Variants in ZNF865 observed in about 807,000 individuals in gnomAD.
ZNF865 encodes zinc finger protein 865.
For synonymous variants in ZNF865, 763 were observed against 750.8 expected (o/e 1.02, Z -0.27); for missense variants, 1,311 against 1,593.4 (o/e 0.82, Z 3.02).
At chr19:55,605,850 G>A in intron 1 of ZNF865, 118 bp downstream of exon 1, 1 of 152,202 alleles carries the variant, frequency 6.6e-6, no homozygotes, top group Non-Finnish European at 1.5e-5. Flanking sequence ...TGCAGCTCCC[G>A]CCGGGCCCTT....
chr19:55,615,970 T>C lies in ZNF865; in HGVS notation c.2352T>C (p.Gly784=). ...CGGCGGTGGCAGGTGCTGGCGGGGG[T>C]GCCAGTTCCGGCCCCGAGCGCTTCA... The part of the protein sequence containing the change: ...GGAAVAGAGG[G]ASSGPERFSC... The change falls in exon 2 of 2, where the codon GGT becomes GGC. Residue 784 remains glycine (G), a synonymous_variant. Transcript: ENST00000568956. 2 of 1,493,816 alleles carry C rather than the reference T, an allele frequency of 1.3e-6. No individual in the cohort carries two copies. The highest frequency in any genetic ancestry group is 2.5e-5 in the East Asian group (1 of 39,410). The allele number at this position is 1,493,816 out of a possible 1,614,324, so 92.5% of individuals were successfully genotyped here.
chr19:55,614,487 A>ACCTCCCGCCGCTGGG lies in ZNF865; in HGVS notation c.876_890dup (p.Pro293_Pro297dup), dbSNP rs1439582268. On this transcript the variant is annotated inframe_insertion, in exon 2 of 2. Coordinates refer to ENST00000568956, the MANE Select transcript of ZNF865 (RefSeq NM_001195605.2). This position sits in a 1 kb window ranked among gnomAD's most constrained non-coding sequence, Gnocchi z 8.0. ...GGGGGCCCGCCCCAGCCCGGCCCCC[A>ACCTCCCGCCGCTGGG]CCTCCCGCCGCTGGGCCTCCCAGCA... is the stretch of plus-strand genomic sequence containing the variant. 1 of 925,822 alleles carries ACCTCCCGCCGCTGGG rather than the reference A, an allele frequency of 1.1e-6. No homozygotes were observed. The highest frequency in any genetic ancestry group is 1.4e-6 in the Non-Finnish European group (1 of 729,116). 57.4% of individuals were successfully genotyped at this position (925,822 alleles called of 1,614,324 possible).
In ZNF865 at chr19:55,616,804, G is replaced by T; in HGVS notation, c.*6G>T. The T allele has an allele frequency of 1.4e-6, 2 of 1,440,370 alleles. No homozygotes were observed. The highest frequency in any genetic ancestry group is 1.5e-5 in the South Asian group (1 of 68,526). 89.2% of individuals were successfully genotyped at this position (1,440,370 alleles called of 1,614,324 possible). On this transcript the variant is annotated 3_prime_UTR_variant, in exon 2 of 2. Transcript: ENST00000568956. ...TGGCCGGGAAGGATGCCTGACCGAG[G>T]GGTTCCCATCCCACTCCCATCAAAA...
chr19:55,616,878 C>G lies in ZNF865; in HGVS notation c.*80C>G. 1 of 1,355,806 alleles carries G rather than the reference C, an allele frequency of 7.4e-7. No individual in the cohort carries two copies. The highest frequency in any genetic ancestry group is 2.8e-5 in the East Asian group (1 of 36,000). The allele number at this position is 1,355,806 out of a possible 1,614,324, so 84.0% of individuals were successfully genotyped here. A position where few individuals can be genotyped will look rare whatever the true frequency, so the allele number is the denominator to read the frequency against. On this transcript the variant is annotated 3_prime_UTR_variant, in exon 2 of 2. Coordinates refer to ENST00000568956, the MANE Select transcript of ZNF865 (RefSeq NM_001195605.2). ...CCAGGACTGATCAGACTCTTCCCCC[C>G]TCCTCGCTGTTGCCCCATCCTTCAG...
Position 55,615,602 on chromosome 19 carries a change from GGGCCCA to G in ZNF865, c.1985_1990del (p.Gly662_Thr664delinsAla). On this transcript the variant is annotated inframe_deletion, in exon 2 of 2. Coordinates refer to ENST00000568956, the MANE Select transcript of ZNF865 (RefSeq NM_001195605.2). ...GCCCGGGGCCTCGGGCACGTCTGCA[GGGCCCA>G]CCGATGGGCTGAGCTACGCCTGCTC... is the stretch of plus-strand genomic sequence containing the variant. 1 of 1,533,312 alleles carries G rather than the reference GGGCCCA, an allele frequency of 6.5e-7. No homozygotes were observed. The highest frequency in any genetic ancestry group is 8.7e-7 in the Non-Finnish European group (1 of 1,145,814). 95.0% of individuals were successfully genotyped at this position (1,533,312 alleles called of 1,614,324 possible).
rs760100963 is a variant in ZNF865 at position 55,614,119 on chromosome 19, C to T, written c.501C>T (p.Pro167=). 61 of 1,426,620 alleles carry T rather than the reference C, an allele frequency of 4.3e-5. 1 individual carries two copies. In the Middle Eastern group the frequency reaches 1.1e-3, roughly 26 times the overall value. 88.4% of individuals were successfully genotyped at this position (1,426,620 alleles called of 1,614,324 possible). ...HLFGNLKRGG[P]ASGPGVTPGL... ...TTGGGAACCTGAAGCGAGGAGGGCC[C>T]GCGTCCGGGCCGGGGGTGACGCCTG... Residue 167 remains proline, a synonymous_variant, in exon 2 of 2, where the codon CCC becomes CCT. Coordinates refer to ENST00000568956, the MANE Select transcript of ZNF865 (RefSeq NM_001195605.2). This position sits in a 1 kb window ranked among gnomAD's most constrained non-coding sequence, Gnocchi z 8.0.
chr19:55,614,887 C>T lies in ZNF865; in HGVS notation c.1269C>T (p.Leu423=). The change falls in exon 2 of 2, where the codon CTC becomes CTT. Residue 423 remains leucine (L), a synonymous_variant. Coordinates refer to ENST00000568956, the MANE Select transcript of ZNF865 (RefSeq NM_001195605.2). This position sits in a 1 kb window ranked among gnomAD's most constrained non-coding sequence, Gnocchi z 8.0. ...GKAFRDASYL[L]KHQAAHAGAG... Reference sequence around the variant, plus strand: ...CCTTCCGCGACGCCTCCTACCTCCTCAAGCACCAGGCGGCCCACGCGGGGG... The same window carrying T: ...CCTTCCGCGACGCCTCCTACCTCCTTAAGCACCAGGCGGCCCACGCGGGGG... 1 of 1,506,974 alleles carries T rather than the reference C, an allele frequency of 6.6e-7. No homozygotes were observed. Among genetic ancestry groups the T allele is most frequent in the Non-Finnish European group, 8.8e-7 (1 of 1,131,956 alleles). The allele number at this position is 1,506,974 out of a possible 1,614,324, so 93.4% of individuals were successfully genotyped here.
intron 1 of ZNF865, 81 bp from the exon 2 acceptor site, chr19:55,613,512 T>C: frequency 7.9e-7 from 1 of 1,265,982 alleles, no homozygotes; most frequent in Non-Finnish European, 1.1e-6. Context: ...CAAGGATGGA[T>C]GAGTGGGCGC....
intron 1 of ZNF865, among the ~76,000 whole-genome samples, chr19:55,608,312 CTTTTTTTT>C (rs758447041): frequency 1.6e-5 from 2 of 125,292 alleles, no homozygotes; most frequent in African/African-American, 6.2e-5. Context: ...AGGACTGTGG[CTTTTTTTT>C]TTTTTTTTTT....
chr19:55,613,483 G>A, intron 1 of ZNF865, 110 bp from the exon 2 acceptor site: 2 of 1,046,528 alleles, frequency 1.9e-6, no homozygotes, highest in Non-Finnish European at 2.6e-6. Flanking sequence ...AAATCTGGAA[G>A]GCTAGGGGGT....
In ZNF865 at chr19:55,613,930, TTCGTCCTCCTCG is replaced by T. The variant is rs1475228871; in HGVS notation, c.318_329del (p.Ser114_Ser117del). On this transcript the variant is annotated inframe_deletion, in exon 2 of 2. Coordinates refer to ENST00000568956, the MANE Select transcript of ZNF865 (RefSeq NM_001195605.2). Reference sequence around the variant, plus strand: ...CGTCCTCGTCCTCCTCCTCCTCCTCTTCGTCCTCCTCGTCGTCATCTTCGTCCTCTTCCTCTT... The same window carrying T: ...CGTCCTCGTCCTCCTCCTCCTCCTCTTCGTCATCTTCGTCCTCTTCCTCTT... 5 of 1,528,376 alleles carry T rather than the reference TTCGTCCTCCTCG, an allele frequency of 3.3e-6. No individual in the cohort carries two copies. Among genetic ancestry groups the T allele is most frequent in the Non-Finnish European group, 4.4e-6 (5 of 1,141,400 alleles). 94.7% of individuals were successfully genotyped at this position (1,528,376 alleles called of 1,614,324 possible).
In ZNF865 at chr19:55,616,926, T is replaced by C. The variant is rs1981383065; in HGVS notation, c.*128T>C. On this transcript the variant is annotated 3_prime_UTR_variant, in exon 2 of 2. Transcript: ENST00000568956. ...CAGAACTTCACACGGACTGGCGACC[T>C]TCAGGGCGCACGCCCGACAGGCTCA... 2.8e-6 allele frequency: 3 copies of C among 1,055,802 alleles called. No homozygotes were observed. Among genetic ancestry groups the C allele is most frequent in the Non-Finnish European group, 3.8e-6 (3 of 780,468 alleles). 65.4% of individuals were successfully genotyped at this position (1,055,802 alleles called of 1,614,324 possible).
At position 55,616,716 on chromosome 19, in the gene ZNF865, A is replaced by G. The variant is rs1981373758; in HGVS notation, c.3098A>G (p.Lys1033Arg). Residue 1033 changes from lysine (K) to arginine (R), a missense_variant, in exon 2 of 2, where the codon AAG (lysine) becomes AGG (arginine). Physicochemically the swap from Lys to Arg is conservative, Grantham distance 26. Coordinates refer to ENST00000568956, the MANE Select transcript of ZNF865 (RefSeq NM_001195605.2). ...GEGFANTYGL[K>R]KHRLAHKAEN... ...GGCTTCGCCAACACCTACGGCCTCA[A>G]GAAACACCGCCTGGCGCACAAGGCC... 1 of 1,522,498 alleles carries G rather than the reference A, an allele frequency of 6.6e-7. No homozygotes were observed. Among genetic ancestry groups the G allele is most frequent in the Non-Finnish European group, 8.8e-7 (1 of 1,140,498 alleles). The allele number at this position is 1,522,498 out of a possible 1,614,324, so 94.3% of individuals were successfully genotyped here.
rs1219199837 is a variant in ZNF865 at position 55,608,472 on chromosome 19, G to A, written c.-27+2740G>A. Among the ~76,000 whole-genome samples the A allele has an allele frequency of 3.3e-5, 5 of 152,014 alleles. No individual in the cohort carries two copies. In the East Asian group the frequency reaches 5.8e-4, roughly 18 times the overall value. On this transcript the variant is annotated intron_variant, in intron 1 of 1. Coordinates refer to ENST00000568956, the MANE Select transcript of ZNF865 (RefSeq NM_001195605.2). The stretch of plus-strand genomic sequence containing the variant: ...TGGGATTACAGGCATGTGCCACCAC[G>A]CCCAGCTAATTTTGTATTTTTAGTA...
In ZNF865 at chr19:55,617,028, A is replaced by G; in HGVS notation, c.*230A>G. The G allele has an allele frequency of 2.3e-6, 1 of 436,558 alleles. No homozygotes were observed. The highest frequency in any genetic ancestry group is 3.9e-6 in the Non-Finnish European group (1 of 253,656). The allele number at this position is 436,558 out of a possible 1,614,324, so 27.0% of individuals were successfully genotyped here. The stretch of plus-strand genomic sequence containing the variant: ...GACACTGAACCCTATCCTCCGTCCA[A>G]CCCTCGTTTGTGACCCGCATCAGCC... On this transcript the variant is annotated 3_prime_UTR_variant, in exon 2 of 2. Transcript: ENST00000568956.
Position 55,616,524 on chromosome 19 carries a change from T to G in ZNF865, c.2906T>G (p.Phe969Cys), listed in dbSNP as rs1981366270. ...CGCTGTGAGCACTGCGGCAAGGGCTTCTTCTACCTGAGCTCCGTGCTGCGC... is the reference window on the plus strand; with the variant it reads ...CGCTGTGAGCACTGCGGCAAGGGCTGCTTCTACCTGAGCTCCGTGCTGCGC... ...AYRCEHCGKG[F>C]FYLSSVLRHQ... is the part of the protein sequence containing the mutation. The change falls in exon 2 of 2, where the codon TTC becomes TGC. Residue 969 changes from phenylalanine to cysteine, a missense_variant. Phe to Cys is a radical substitution (Grantham distance 205). Transcript: ENST00000568956. 7 of 1,534,546 alleles carry G rather than the reference T, an allele frequency of 4.6e-6. No individual in the cohort carries two copies. The highest frequency in any genetic ancestry group is 5.2e-6 in the Non-Finnish European group (6 of 1,146,252).
rs754336618 is a variant in ZNF865 at position 55,613,635 on chromosome 19, C to T, written c.17C>T (p.Ala6Val). Residue 6 changes from alanine (A) to valine (V), a missense_variant, in exon 2 of 2, where the codon GCG (alanine) becomes GTG (valine). By Grantham distance (64) the Ala-to-Val change is moderately conservative. Transcript: ENST00000568956. MEANP[A>V]GSGAGGGGSS... is the part of the protein sequence containing the mutation. ...CCGCCGGAGATGGAGGCGAACCCAGCGGGCAGCGGCGCCGGGGGTGGCGGG... is the reference window on the plus strand; with the variant it reads ...CCGCCGGAGATGGAGGCGAACCCAGTGGGCAGCGGCGCCGGGGGTGGCGGG... 3.3e-6 allele frequency: 5 copies of T among 1,520,488 alleles called. No individual in the cohort carries two copies. The highest frequency in any genetic ancestry group is 2.5e-5 in the South Asian group (2 of 81,590). The allele number at this position is 1,520,488 out of a possible 1,614,324, so 94.2% of individuals were successfully genotyped here. A position where few individuals can be genotyped will look rare whatever the true frequency, so the allele number is the denominator to read the frequency against.
At position 55,613,853 on chromosome 19, in the gene ZNF865, T is replaced by A; in HGVS notation, c.235T>A (p.Tyr79Asn). 1 of 1,065,438 alleles carries A rather than the reference T, an allele frequency of 9.4e-7. No individual in the cohort carries two copies. Among genetic ancestry groups the A allele is most frequent in the Non-Finnish European group, 1.2e-6 (1 of 838,448 alleles). The allele number at this position is 1,065,438 out of a possible 1,614,324, so 66.0% of individuals were successfully genotyped here. A position where few individuals can be genotyped will look rare whatever the true frequency, so the allele number is the denominator to read the frequency against. The change falls in exon 2 of 2, where the codon TAC becomes AAC. Residue 79 changes from tyrosine to asparagine, a missense_variant. Transcript: ENST00000568956. ...PPQPPPPQYDYPPQSTFKPKA... is the reference protein window; with the variant it reads ...PPQPPPPQYDNPPQSTFKPKA... The stretch of plus-strand genomic sequence containing the variant: ...GCAGCCCCCTCCCCCGCAGTATGAC[T>A]ACCCGCCCCAGTCCACCTTCAAGCC...
intron 1 of ZNF865, among the ~76,000 whole-genome samples, chr19:55,608,831 G>A (rs1981034112): frequency 6.6e-6 from 1 of 152,202 alleles, no homozygotes; most frequent in South Asian, 2.1e-4. Flanking sequence ...CAAGCCAAGA[G>A]ACTTGGGATT....
Sources: gnomAD v4.1 joint callset for allele counts (sites outside exome capture counted in the v4.1 genomes callset) on GRCh38, gnomAD v4.1.1 for gene constraint, Gnocchi (gnomAD v3.1) non-coding constraint, MANE v1.5 for transcripts, NCBI Gene and HGNC (gene_info 2026-07-23, HGNC 2026-07-21) for gene names.